NTNG1: variants seen among roughly 807,000 people sequenced by gnomAD.
NTNG1 encodes netrin G1.
In NTNG1, 16 loss-of-function variants were observed where a neutral mutation model predicts 54.0. That is an observed-to-expected ratio of 0.30 (90% CI 0.20 to 0.45). The LOEUF is 0.45. Ranked by LOEUF, NTNG1 falls within the 20% of genes least tolerant of loss-of-function variation. NTNG1 has a pLI of 1.00. For synonymous variants in NTNG1, 255 were observed against 263.1 expected (o/e 0.97, Z 0.30); for missense variants, 530 against 678.7 (o/e 0.78, Z 2.43).
chr1:107,309,296 G>A (rs1356001812), intron 2 of NTNG1, among the ~76,000 whole-genome samples: 1 of 152,130 alleles, frequency 6.6e-6, no homozygotes, highest in Non-Finnish European at 1.5e-5. Context: ...ATAAACTCAT[G>A]TTTGAGAATT....
intron 7 of NTNG1, among the ~76,000 whole-genome samples, chr1:107,453,023 CCT>C (rs1676714942): frequency 6.6e-6 from 1 of 152,094 alleles, no homozygotes; most frequent in South Asian, 2.1e-4. Flanking sequence ...CTCAGGATTC[CCT>C]CTGAGTATGC....
At chr1:107,422,396 G>A (rs1029382928) in intron 5 of NTNG1, among the ~76,000 whole-genome samples, 1 of 152,014 alleles carries the variant, frequency 6.6e-6, no homozygotes, top group Non-Finnish European at 1.5e-5. Flanking sequence ...GTCATGTCAA[G>A]CATGCTAGAT....
intron 2 of NTNG1, among the ~76,000 whole-genome samples, chr1:107,320,844 T>C (rs919974424): frequency 6.6e-6 from 1 of 152,034 alleles, no homozygotes; most frequent in African/African-American, 2.4e-5. Context: ...AGGAGAACAA[T>C]TGATTTTTTC....
intron 3 of NTNG1, among the ~76,000 whole-genome samples, chr1:107,372,537 T>C (rs963092591): frequency 2.6e-5 from 4 of 152,110 alleles, no homozygotes; most frequent in Non-Finnish European, 4.4e-5. Flanking sequence ...ACATACATTG[T>C]ATAACTTCAT....
chr1:107,464,013 G>T (rs1677442357), intron 7 of NTNG1, among the ~76,000 whole-genome samples: 2 of 152,130 alleles, frequency 1.3e-5, no homozygotes, highest in African/African-American at 2.4e-5. Flanking sequence ...AGCAATTAGT[G>T]GCAGTTAGGA....
At chr1:107,158,081 G>A (rs542621776) in intron 2 of NTNG1, among the ~76,000 whole-genome samples, 14 of 152,020 alleles carry the variant, frequency 9.2e-5, no homozygotes, top group African/African-American at 3.1e-4. Flanking sequence ...TTACTCTCAG[G>A]CAAAGCATCC....
intron 2 of NTNG1, among the ~76,000 whole-genome samples, chr1:107,251,430 C>T (rs1045512719): frequency 6.6e-6 from 1 of 152,120 alleles, no homozygotes; most frequent in Non-Finnish European, 1.5e-5. Context: ...AAATTGGAAT[C>T]ACCATTCTCA....
At chr1:107,367,293 G>C (rs953397387) in intron 3 of NTNG1, among the ~76,000 whole-genome samples, 2 of 152,002 alleles carry the variant, frequency 1.3e-5, no homozygotes, top group African/African-American at 4.8e-5. Context: ...TTAAATACAA[G>C]ACCCTGAGAA....
At chr1:107,352,104 A>G (rs190017257) in intron 3 of NTNG1, among the ~76,000 whole-genome samples, 111 of 152,302 alleles carry the variant, frequency 7.3e-4, no homozygotes, top group African/African-American at 2.4e-3. Flanking sequence ...GGCTGCTTTC[A>G]TGGGTTGGCG....
At chr1:107,298,593 A>G (rs1314994502) in intron 2 of NTNG1, among the ~76,000 whole-genome samples, 1 of 152,188 alleles carries the variant, frequency 6.6e-6, no homozygotes. Context: ...TTTTATGATA[A>G]TATTCTATTG....
intron 3 of NTNG1, chr1:107,330,862 C>T (rs1490396720): frequency 6.6e-6 from 1 of 151,908 alleles, no homozygotes; most frequent in Admixed American, 6.6e-5. Flanking sequence ...CTGTGGAATA[C>T]TACTATGTAA....
chr1:107,276,005 A>C (rs1248512533), intron 2 of NTNG1, among the ~76,000 whole-genome samples: 1 of 152,194 alleles, frequency 6.6e-6, no homozygotes, highest in Non-Finnish European at 1.5e-5. Context: ...GAAGGTGCTA[A>C]ACTTAAATGT....
chr1:107,451,583 A>G lies in NTNG1; in HGVS notation c.1390+14784A>G, dbSNP rs935688760. Among the ~76,000 whole-genome samples, 8 of 152,158 alleles carry G rather than the reference A, an allele frequency of 5.3e-5. No homozygotes were observed. The East Asian group carries it at 5.8e-4, about 11-fold the overall frequency. ...GTAAAGTGCTGTCCTCCTACACACTATATCAGTGTATTATTTTATGTTTTG... is the reference window on the plus strand; with the variant it reads ...GTAAAGTGCTGTCCTCCTACACACTGTATCAGTGTATTATTTTATGTTTTG... On this transcript the variant is annotated intron_variant, in intron 7 of 7. Coordinates refer to ENST00000370068, the MANE Select transcript of NTNG1 (RefSeq NM_001113226.3).
chr1:107,364,081 A>G (rs1670449144), intron 3 of NTNG1, among the ~76,000 whole-genome samples: 1 of 152,172 alleles, frequency 6.6e-6, no homozygotes, highest in African/African-American at 2.4e-5. Flanking sequence ...GCTTACACTT[A>G]TTTTATTGAA....
chr1:107,143,708 A>G (rs1653905408), intron 1 of NTNG1, among the ~76,000 whole-genome samples: 2 of 152,140 alleles, frequency 1.3e-5, no homozygotes, highest in South Asian at 4.1e-4. Context: ...AGGTAGGTGT[A>G]GATTTTCTCA....
At chr1:107,261,467 C>T (rs1018754014) in intron 2 of NTNG1, among the ~76,000 whole-genome samples, 1 of 151,944 alleles carries the variant, frequency 6.6e-6, no homozygotes, top group Non-Finnish European at 1.5e-5. Flanking sequence ...AAAAAAAAAG[C>T]TCTTCAGAAG....
At chr1:107,339,218 T>C (rs1668765881) in intron 3 of NTNG1, among the ~76,000 whole-genome samples, 1 of 152,048 alleles carries the variant, frequency 6.6e-6, no homozygotes, top group South Asian at 2.1e-4. Context: ...TTCTCTCAGA[T>C]CTTCCCACTT....
At chr1:107,287,473 T>C (rs746162815) in intron 2 of NTNG1, among the ~76,000 whole-genome samples, 1 of 152,154 alleles carries the variant, frequency 6.6e-6, no homozygotes, top group Non-Finnish European at 1.5e-5. Flanking sequence ...TAAAGCATAG[T>C]GCAGTGGCAT....
At chr1:107,361,259 T>C (rs1670257547) in intron 3 of NTNG1, among the ~76,000 whole-genome samples, 2 of 142,496 alleles carry the variant, frequency 1.4e-5, no homozygotes. Flanking sequence ...ATAAAATATA[T>C]GTTATGTAAG....
Sources: allele counts gnomAD v4.1 joint callset (sites outside exome capture counted in the v4.1 genomes callset), GRCh38; gene constraint gnomAD v4.1.1; transcripts MANE v1.5; gene names NCBI Gene and HGNC (gene_info 2026-07-23, HGNC 2026-07-21).